The following ENG variants were observed in gnomAD, a reference collection of about 807,000 sequenced individuals.
ENG encodes the protein endoglin, also known as CD105 antigen.
ENG carries 17 observed loss-of-function variants against 71.0 expected under a neutral mutation model. The observed-to-expected ratio is 0.24, with a 90% CI of 0.16 to 0.36. The LOEUF is 0.36. ENG is among the 10% of genes least tolerant of loss of function. The pLI is 1.00. For synonymous variants in ENG, 360 were observed against 366.9 expected (o/e 0.98, Z 0.21); for missense variants, 749 against 868.3 (o/e 0.86, Z 1.73).
intron 1 of ENG, among the ~76,000 whole-genome samples, chr9:127,844,009 G>C (rs1323540493): frequency 6.7e-6 from 1 of 150,006 alleles, no homozygotes; most frequent in Non-Finnish European, 1.5e-5. Flanking sequence ...GGCCTCAGGT[G>C]ATCTGCCCAC....
At chr9:127,823,290 C>T (rs1244344504) in intron 8 of ENG, among the ~76,000 whole-genome samples, 3 of 152,024 alleles carry the variant, frequency 2.0e-5, no homozygotes, top group Non-Finnish European at 2.9e-5. Flanking sequence ...GGACTACAGG[C>T]GCCTACCACC....
chr9:127,817,950 C>T (rs777478822), intron 12 of ENG, 170 bp downstream of exon 12: 13 of 1,029,860 alleles, frequency 1.3e-5, no homozygotes, highest in Non-Finnish European at 1.4e-5. Context: ...AGAAAGCTCT[C>T]GGGTGGCAGA....
chr9:127,835,133 G>A (rs1830866420), intron 2 of ENG, among the ~76,000 whole-genome samples: 1 of 151,974 alleles, frequency 6.6e-6, no homozygotes, highest in Admixed American at 6.6e-5. Flanking sequence ...CAAGTAGCTG[G>A]GACTACAGGC....
At position 127,824,325 on chromosome 9, in the gene ENG, T is replaced by C. The variant is rs1683038293; in HGVS notation, c.1113A>G (p.Val371=). The C allele has an allele frequency of 2.5e-6, 4 of 1,614,048 alleles. No homozygotes were observed. The highest frequency in any genetic ancestry group is 3.4e-6 in the Non-Finnish European group (4 of 1,179,986). ...TKCADDAMTL[V]LKKELVAHLK... is the part of the protein sequence containing the mutation. Reference sequence around the variant, plus strand: ...TTACCGCAACAAGCTCTTTCTTTAGTACCAGGGTCATGGCGTCGTCGGCAC... The same window carrying C: ...TTACCGCAACAAGCTCTTTCTTTAGCACCAGGGTCATGGCGTCGTCGGCAC... The change falls in exon 8 of 15, where the codon GTA becomes GTG. Residue 371 remains valine, a synonymous_variant. Transcript: ENST00000373203.
chr9:127,845,521 C>T (rs1244780693), intron 1 of ENG, among the ~76,000 whole-genome samples: 1 of 152,208 alleles, frequency 6.6e-6, no homozygotes, highest in Non-Finnish European at 1.5e-5. Flanking sequence ...AGCAAGCTCC[C>T]TGGAGCCAGG....
intron 3 of ENG, among the ~76,000 whole-genome samples, chr9:127,828,278 T>C (rs552779561): frequency 2.5e-4 from 38 of 152,154 alleles, no homozygotes; most frequent in Non-Finnish European, 5.0e-4. Context: ...GCTGGGACAC[T>C]GGCTTTACAG....
intron 1 of ENG, among the ~76,000 whole-genome samples, chr9:127,847,624 A>AT (rs1003910322): frequency 9.2e-5 from 14 of 151,878 alleles, no homozygotes; most frequent in African/African-American, 3.4e-4. Flanking sequence ...TAATTTTTGT[A>AT]TTTTTTGTAG....
intron 8 of ENG, among the ~76,000 whole-genome samples, chr9:127,823,917 G>T (rs917367002): frequency 6.6e-6 from 1 of 152,002 alleles, no homozygotes; most frequent in African/African-American, 2.4e-5. Context: ...CTGACCTCAA[G>T]TGATCCACCC....
intron 2 of ENG, among the ~76,000 whole-genome samples, chr9:127,831,538 C>A (rs984009026): frequency 1.3e-5 from 2 of 152,014 alleles, no homozygotes; most frequent in African/African-American, 4.8e-5. Flanking sequence ...TAGGCGCCCA[C>A]TACCATGCCT....
intron 1 of ENG, among the ~76,000 whole-genome samples, chr9:127,844,320 C>T (rs967702495): frequency 1.3e-5 from 2 of 150,130 alleles, no homozygotes; most frequent in Admixed American, 6.6e-5. Context: ...AAAGATGGGG[C>T]TTCTCCATGT....
At chr9:127,826,425 G>A (rs1660761325) in intron 4 of ENG, 85 bp downstream of exon 4, 4 of 1,566,292 alleles carry the variant, frequency 2.6e-6, no homozygotes, top group Non-Finnish European at 3.5e-6. Flanking sequence ...CACTCTTGGT[G>A]CCCAAGTTTG....
At chr9:127,823,101 A>G (rs1444079682) in intron 8 of ENG, among the ~76,000 whole-genome samples, 1 of 151,736 alleles carries the variant, frequency 6.6e-6, no homozygotes, top group Non-Finnish European at 1.5e-5. Flanking sequence ...TCGGCCTCCA[A>G]AGTGCTAGGG....
At chr9:127,825,955 G>A in intron 4 of ENG, 95 bp from the exon 5 acceptor site, 1 of 1,494,366 alleles carries the variant, frequency 6.7e-7, no homozygotes. Flanking sequence ...TGGTGGGGCA[G>A]GCAGGACGGT....
rs1353540156 is a variant in ENG at position 127,836,857 on chromosome 9, G to A, written c.219+6237C>T. ...GGCTGGAGTACAGTGGCACGATCTC[G>A]GCTCACTGCAATCTCCGCCTCCTGG... On this transcript the variant is annotated intron_variant, in intron 2 of 14. Coordinates refer to ENST00000373203, the MANE Select transcript of ENG (RefSeq NM_001114753.3). The surrounding 1 kb of genome is among the most constrained non-coding windows in gnomAD (Gnocchi z 4.0). Among the ~76,000 whole-genome samples, 2 of 151,996 alleles carry A rather than the reference G, an allele frequency of 1.3e-5. No homozygotes were observed. The highest frequency in any genetic ancestry group is 1.9e-4 in the East Asian group (1 of 5,190).
intron 6 of ENG, 60 bp from the exon 7 acceptor site, chr9:127,825,034 C>T: frequency 6.3e-7 from 1 of 1,595,600 alleles, no homozygotes; most frequent in African/African-American, 1.3e-5. Context: ...CCACAGCAGG[C>T]CAGCCAGGGT....
At position 127,818,174 on chromosome 9, in the gene ENG, G is replaced by C. The variant is rs117510900; in HGVS notation, c.1632C>G (p.Thr544=). 6.2e-7 allele frequency: 1 copy of C among 1,614,218 alleles called. No individual in the cohort carries two copies. The highest frequency in any genetic ancestry group is 1.1e-5 in the South Asian group (1 of 91,086). Residue 544 remains threonine, a synonymous_variant, in exon 12 of 15, where the codon ACC becomes ACG. Transcript: ENST00000373203. ...LHFYTVPIPK[T]GTLSCTVALR... is the part of the protein sequence containing the mutation. ...GGGCTACCGTGCAGCTGAGGGTGCCGGTTTTGGGTATGGGTACTGTGTAGA... is the reference window on the plus strand; with the variant it reads ...GGGCTACCGTGCAGCTGAGGGTGCCCGTTTTGGGTATGGGTACTGTGTAGA...
At chr9:127,826,456 C>T in intron 4 of ENG, 54 bp downstream of exon 4, 1 of 1,609,078 alleles carries the variant, frequency 6.2e-7, no homozygotes, top group South Asian at 1.1e-5. Flanking sequence ...CAGAGGAGCT[C>T]AGATTCCTCC....
intron 3 of ENG, among the ~76,000 whole-genome samples, chr9:127,827,676 G>A (rs1245756478): frequency 1.3e-5 from 2 of 152,110 alleles, no homozygotes; most frequent in Admixed American, 1.3e-4. Flanking sequence ...TTTTAGAGAC[G>A]AGGGTCTCAC....
intron 4 of ENG, 132 bp from the exon 5 acceptor site, chr9:127,825,992 G>T: frequency 8.0e-7 from 1 of 1,249,198 alleles, no homozygotes; most frequent in Non-Finnish European, 1.1e-6. Flanking sequence ...GGCGTCAGAG[G>T]ACCTAGGTTC....
Sources: gnomAD v4.1 joint callset for allele counts (sites outside exome capture counted in the v4.1 genomes callset) on GRCh38, gnomAD v4.1.1 for gene constraint, Gnocchi (gnomAD v3.1) non-coding constraint, MANE v1.5 for transcripts, NCBI Gene and HGNC (gene_info 2026-07-23, HGNC 2026-07-21) for gene names.